The following FHIP1A variants were observed in gnomAD, a reference collection of about 807,000 sequenced individuals.
The protein encoded by FHIP1A is FHF complex subunit HOOK-interacting protein 1A.
In FHIP1A, 61 loss-of-function variants were observed where a neutral mutation model predicts 88.6. The ratio of observed to expected loss-of-function variants is 0.69; its 90% CI spans 0.56 to 0.85. FHIP1A has a LOEUF of 0.85. Ranked by LOEUF, FHIP1A falls within the 40% of genes least tolerant of loss-of-function variation. FHIP1A has a pLI of 0.00. For missense variants in FHIP1A, 1,154 were observed against 1,273.5 expected, an observed-to-expected ratio of 0.91 and a Z score of 1.43; for synonymous variants, 478 against 496.0, an observed-to-expected ratio of 0.96 and a Z score of 0.48.
intron 9 of FHIP1A, among the ~76,000 whole-genome samples, chr4:151,644,351 T>C (rs985790168): frequency 4.4e-4 from 67 of 152,016 alleles, no homozygotes; most frequent in African/African-American, 1.6e-3. Flanking sequence ...CTTTTTTGTT[T>C]ATCTGTTTTT....
intron 9 of FHIP1A, among the ~76,000 whole-genome samples, chr4:151,641,572 A>G (rs1359104091): frequency 6.6e-6 from 1 of 152,188 alleles, no homozygotes; most frequent in Non-Finnish European, 1.5e-5. Flanking sequence ...CATTAGTGCT[A>G]GTGTATTTTA....
At chr4:151,645,162 G>A (rs1159035827) in intron 9 of FHIP1A, among the ~76,000 whole-genome samples, 1 of 152,066 alleles carries the variant, frequency 6.6e-6, no homozygotes, top group African/African-American at 2.4e-5. Context: ...AGACCTGCAG[G>A]GTGTGTCTGG....
In FHIP1A at chr4:151,642,444, G is replaced by A. The variant is rs367852948; in HGVS notation, c.1226+3688G>A. On this transcript the variant is annotated intron_variant, in intron 9 of 13. Transcript: ENST00000435205. The stretch of plus-strand genomic sequence containing the variant: ...CATCTTGCATAGGAGCTAGGGGTTT[G>A]GAGGAAAGGAAAACAACAACAACAA... 1.0e-3 allele frequency among the ~76,000 whole-genome samples: 153 copies of A among 151,408 alleles called. 5 individuals are homozygous for A. In the South Asian group the frequency reaches 0.031, roughly 31 times the overall value.
intron 3 of FHIP1A, among the ~76,000 whole-genome samples, chr4:151,519,268 C>T (rs775155968): frequency 3.9e-5 from 6 of 152,166 alleles, no homozygotes; most frequent in East Asian, 1.9e-4. Context: ...CAAAGACAAC[C>T]GCTATTACAA....
chr4:151,534,507 G>T (rs1265371266), intron 3 of FHIP1A, among the ~76,000 whole-genome samples: 1 of 152,100 alleles, frequency 6.6e-6, no homozygotes, highest in Non-Finnish European at 1.5e-5. Context: ...AATCCACAAT[G>T]GTTATCTAAA....
intron 3 of FHIP1A, among the ~76,000 whole-genome samples, chr4:151,515,921 A>C (rs7435623): frequency 0.36 from 54,769 of 152,034 alleles, 10,326 homozygotes; most frequent in Non-Finnish European, 0.43. Flanking sequence ...GCTACCAATG[A>C]CTTTCTTCAC....
At chr4:151,429,479 G>A (rs1050114059) in intron 1 of FHIP1A, among the ~76,000 whole-genome samples, 1 of 152,202 alleles carries the variant, frequency 6.6e-6, no homozygotes, top group Non-Finnish European at 1.5e-5. Flanking sequence ...TGTTAGAAAG[G>A]AATTTTGGAG....
chr4:151,646,566 T>A lies in FHIP1A; in HGVS notation c.1235T>A (p.Ile412Asn). The change falls in exon 10 of 14, where the codon ATC (isoleucine) becomes AAC (asparagine). Residue 412 changes from isoleucine to asparagine, a missense_variant. Coordinates refer to ENST00000435205, the MANE Select transcript of FHIP1A (RefSeq NM_001109977.3). Reference protein sequence around the residue: ...VMLQLVLRYLIPCNHMMLSQR... With the variant: ...VMLQLVLRYLNPCNHMMLSQR... ...TCTTTTTGTCATTCTAGGTATCTGA[T>A]CCCCTGCAATCACATGATGCTGAGT... 2 of 1,550,848 alleles carry A rather than the reference T, an allele frequency of 1.3e-6. No homozygotes were observed. Among genetic ancestry groups the A allele is most frequent in the Non-Finnish European group, 1.7e-6 (2 of 1,146,364 alleles).
chr4:151,464,873 C>G (rs1729256184), intron 2 of FHIP1A, among the ~76,000 whole-genome samples: 1 of 114,818 alleles, frequency 8.7e-6, no homozygotes. Flanking sequence ...AGTGTGGTCC[C>G]CTGACTAGCA....
At chr4:151,461,537 C>T (rs1374891632) in intron 2 of FHIP1A, among the ~76,000 whole-genome samples, 1 of 152,144 alleles carries the variant, frequency 6.6e-6, no homozygotes, top group Non-Finnish European at 1.5e-5. Flanking sequence ...GATGAATATG[C>T]TAATTACACT....
At position 151,662,813 on chromosome 4, in the gene FHIP1A, A is replaced by G; in HGVS notation, c.*59A>G. ...TTGTAAGGTTTTAGTGTCTTGACTG[A>G]ATGTTAAATGCAAAGCTGCTTACAA... On this transcript the variant is annotated 3_prime_UTR_variant, in exon 14 of 14. Coordinates refer to ENST00000435205, the MANE Select transcript of FHIP1A (RefSeq NM_001109977.3). The G allele has an allele frequency of 2.2e-6, 3 of 1,346,684 alleles. No homozygotes were observed. The highest frequency in any genetic ancestry group is 2.9e-6 in the Non-Finnish European group (3 of 1,019,356). 83.4% of individuals were successfully genotyped at this position (1,346,684 alleles called of 1,614,324 possible).
At chr4:151,643,702 G>A (rs2126899230) in intron 9 of FHIP1A, among the ~76,000 whole-genome samples, 1 of 152,164 alleles carries the variant, frequency 6.6e-6, no homozygotes, top group Non-Finnish European at 1.5e-5. Flanking sequence ...GTCTTTTTGT[G>A]CCTGGCTTAT....
At chr4:151,491,438 T>C (rs908963205) in intron 3 of FHIP1A, among the ~76,000 whole-genome samples, 1 of 152,152 alleles carries the variant, frequency 6.6e-6, no homozygotes, top group African/African-American at 2.4e-5. Flanking sequence ...AGACAAATGC[T>C]GAGAGAACTT....
intron 3 of FHIP1A, among the ~76,000 whole-genome samples, chr4:151,520,261 A>G (rs1694542299): frequency 6.6e-6 from 1 of 152,110 alleles, no homozygotes; most frequent in African/African-American, 2.4e-5. Flanking sequence ...AGTCAAGGTT[A>G]ATATCACTCC....
At chr4:151,490,949 A>G (rs1730260413) in intron 3 of FHIP1A, among the ~76,000 whole-genome samples, 1 of 152,076 alleles carries the variant, frequency 6.6e-6, no homozygotes, top group African/African-American at 2.4e-5. Flanking sequence ...AGACTAAGAA[A>G]AAAAGAATTA....
chr4:151,603,255 G>A (rs1022814467), intron 7 of FHIP1A, among the ~76,000 whole-genome samples: 1 of 151,926 alleles, frequency 6.6e-6, no homozygotes, highest in East Asian at 1.9e-4. Context: ...GGAGGTTGCG[G>A]TGAGCCAAAA....
intron 3 of FHIP1A, among the ~76,000 whole-genome samples, chr4:151,519,617 A>G (rs145108257): frequency 2.4e-4 from 36 of 152,256 alleles, no homozygotes; most frequent in African/African-American, 8.7e-4. Flanking sequence ...ATACACATCC[A>G]CATTTATATA....
intron 3 of FHIP1A, among the ~76,000 whole-genome samples, chr4:151,538,831 T>C (rs1732165209): frequency 6.6e-6 from 1 of 152,096 alleles, no homozygotes; most frequent in Admixed American, 6.5e-5. Flanking sequence ...TATTCAAAGG[T>C]CTCCAGATGA....
intron 3 of FHIP1A, among the ~76,000 whole-genome samples, chr4:151,548,798 T>C (rs1004827136): frequency 4.7e-4 from 72 of 152,352 alleles, no homozygotes; most frequent in African/African-American, 1.6e-3. Context: ...GGCACACGCC[T>C]GTAATCCCAG....
Sources: gnomAD v4.1 joint callset for allele counts (sites outside exome capture counted in the v4.1 genomes callset) on GRCh38, gnomAD v4.1.1 for gene constraint, MANE v1.5 for transcripts, NCBI Gene and HGNC (gene_info 2026-07-23, HGNC 2026-07-21) for gene names.